Variants in SYDE2 observed in about 807,000 individuals in gnomAD.
The protein encoded by SYDE2 is rho GTPase-activating protein SYDE2.
A neutral mutation model predicts 91.5 loss-of-function variants in SYDE2; 76 were observed. The ratio of observed to expected loss-of-function variants is 0.83; its 90% CI spans 0.69 to 1.01. The LOEUF is 1.01. SYDE2 is among the 50% of genes least tolerant of loss of function. The pLI is 0.00. For synonymous variants in SYDE2, 513 were observed against 506.4 expected, an observed-to-expected ratio of 1.01 and a Z score of -0.18; for missense variants, 1,364 against 1,367.7, an observed-to-expected ratio of 1.00 and a Z score of 0.04.
chr1:85,170,656 GA>G (rs1261995411), intron 4 of SYDE2, among the ~76,000 whole-genome samples: 1 of 152,110 alleles, frequency 6.6e-6, no homozygotes, highest in Non-Finnish European at 1.5e-5. Context: ...AAAACCCAAA[GA>G]AATCAGAAAT....
At position 85,169,235 on chromosome 1, in the gene SYDE2, A is replaced by G; in HGVS notation, c.2672-10T>C. ...TAATCCTTAAGAACACCTTTAAAAA[A>G]CAAACCGCAGACAGTTGGTGATTGG... On this transcript the variant is annotated splice_polypyrimidine_tract_variant and intron_variant, in intron 4 of 6. Coordinates refer to ENST00000341460, the MANE Select transcript of SYDE2 (RefSeq NM_032184.2). 6.2e-7 allele frequency: 1 copy of G among 1,603,358 alleles called. No individual in the cohort carries two copies. The highest frequency in any genetic ancestry group is 8.5e-7 in the Non-Finnish European group (1 of 1,174,220).
At chr1:85,177,056 C>T (rs1657727513) in intron 4 of SYDE2, among the ~76,000 whole-genome samples, 1 of 152,092 alleles carries the variant, frequency 6.6e-6, no homozygotes, top group East Asian at 1.9e-4. Flanking sequence ...CACACCTTTG[C>T]TTAATCTCTG....
Position 85,200,514 on chromosome 1 carries a change from T to C in SYDE2, c.483A>G (p.Pro161=). The change falls in exon 1 of 7, where the codon CCA becomes CCG. Residue 161 remains proline (P), a synonymous_variant. Coordinates refer to ENST00000341460, the MANE Select transcript of SYDE2 (RefSeq NM_032184.2). ...CACTGCGTATCACAGAGGACCCCGC[T>C]GGATCCCTGAAAGGGCTTCCCGAGG... ...GCSSGSPFRD[P]AGSSVIRSGK... The C allele has an allele frequency of 1.2e-5, 20 of 1,613,564 alleles. No individual in the cohort carries two copies. The highest frequency in any genetic ancestry group is 1.7e-5 in the Non-Finnish European group (20 of 1,179,878).
Position 85,200,566 on chromosome 1 carries a change from G to C in SYDE2, c.431C>G (p.Pro144Arg). 1 of 1,603,238 alleles carries C rather than the reference G, an allele frequency of 6.2e-7. No individual in the cohort carries two copies. The highest frequency in any genetic ancestry group is 1.1e-5 in the South Asian group (1 of 90,622). The change falls in exon 1 of 7, where the codon CCT (proline) becomes CGT (arginine). Residue 144 changes from proline to arginine, a missense_variant. Transcript: ENST00000341460. ...ARAAAPTGLQPPGCKDHGCSS... is the reference protein window; with the variant it reads ...ARAAAPTGLQRPGCKDHGCSS... ...GCAGCCGTGGTCCTTGCAGCCTGGA[G>C]GCTGGAGGCCGGTGGGTGCAGCCGC...
chr1:85,199,076 TAAG>T (rs1260536787), intron 1 of SYDE2, among the ~76,000 whole-genome samples: 2 of 152,226 alleles, frequency 1.3e-5, no homozygotes, highest in Non-Finnish European at 2.9e-5. Flanking sequence ...CATTGTTTGA[TAAG>T]AAGTTTTGTG....
chr1:85,156,484 A>C (rs140922481), downstream of SYDE2, among the ~76,000 whole-genome samples: 960 of 152,272 alleles, frequency 6.3e-3, 12 homozygotes, highest in Middle Eastern at 0.034. Flanking sequence ...TATAAAAAGC[A>C]GGTATAAAAA....
At position 85,182,156 on chromosome 1, in the gene SYDE2, A is replaced by C; in HGVS notation, c.2486T>G (p.Leu829Arg). 2 of 1,604,806 alleles carry C rather than the reference A, an allele frequency of 1.2e-6. No individual in the cohort carries two copies. The highest frequency in any genetic ancestry group is 1.3e-5 in the African/African-American group (1 of 74,832). The change falls in exon 3 of 7, where the codon CTG becomes CGG. Residue 829 changes from leucine (L) to arginine (R), a missense_variant. Transcript: ENST00000341460. ...TTTCTGTATCAGAAGGGGCACCATC[A>C]GTCCTATATTTTCTTTCTCTACAAC... ...QKVVEKENIG[L>R]MVPLLIQKCI...
At chr1:85,181,075 G>A (rs1016479257) in intron 3 of SYDE2, 2 of 151,708 alleles carry the variant, frequency 1.3e-5, no homozygotes, top group African/African-American at 4.8e-5. Flanking sequence ...CCCACTGGGG[G>A]GCCTGAAGAG....
At chr1:85,176,721 A>G (rs1402314235) in intron 4 of SYDE2, among the ~76,000 whole-genome samples, 2 of 152,168 alleles carry the variant, frequency 1.3e-5, no homozygotes, top group Non-Finnish European at 2.9e-5. Flanking sequence ...TGAAGCATCT[A>G]TAAATGAAAG....
At chr1:85,166,981 C>T (rs115004323) in intron 5 of SYDE2, among the ~76,000 whole-genome samples, 47 of 152,082 alleles carry the variant, frequency 3.1e-4, no homozygotes, top group East Asian at 1.7e-3. Flanking sequence ...GAGGTCGAGG[C>T]GGGTAGATTG....
chr1:85,184,036 AAAATATTACC>A (rs1253197264), intron 2 of SYDE2, among the ~76,000 whole-genome samples: 4 of 152,328 alleles, frequency 2.6e-5, no homozygotes, highest in African/African-American at 9.6e-5. Context: ...CCCAAGAGTC[AAAATATTACC>A]AAATTCCACA....
intron 2 of SYDE2, among the ~76,000 whole-genome samples, chr1:85,184,261 T>C (rs1490154572): frequency 6.6e-6 from 1 of 152,188 alleles, no homozygotes; most frequent in Non-Finnish European, 1.5e-5. Context: ...CAATTGTTAG[T>C]TGCCTTGTAA....
intron 3 of SYDE2, chr1:85,181,733 C>T (rs776101497): frequency 1.3e-4 from 21 of 162,102 alleles, no homozygotes; most frequent in Non-Finnish European, 2.1e-4. Flanking sequence ...AATAACTCAA[C>T]GTAATTTTTA....
At chr1:85,159,300 A>T (rs1656979258) in intron 6 of SYDE2, 51 bp from the exon 7 acceptor site, 1 of 672,720 alleles carries the variant, frequency 1.5e-6, no homozygotes, top group Non-Finnish European at 2.7e-6. Flanking sequence ...AACTGAACTT[A>T]AAAAAAAAAC....
In SYDE2 at chr1:85,200,915, C is replaced by G. The variant is rs896247317; in HGVS notation, c.82G>C (p.Ala28Pro). ...ADHSFPAGARAPGQPPSRGAA... is the reference protein window; with the variant it reads ...ADHSFPAGARPPGQPPSRGAA... ...CCGCGGGAAGGCGGCTGGCCCGGAG[C>G]CCGGGCTCCCGCGGGGAAGCTGTGA... Residue 28 changes from alanine to proline, a missense_variant, in exon 1 of 7, where the codon GCT becomes CCT. By Grantham distance (27) the Ala-to-Pro change is conservative. Coordinates refer to ENST00000341460, the MANE Select transcript of SYDE2 (RefSeq NM_032184.2). 4.0e-5 allele frequency: 53 copies of G among 1,320,772 alleles called. No individual in the cohort carries two copies. The highest frequency in any genetic ancestry group is 2.8e-4 in the Middle Eastern group (1 of 3,534). 81.8% of individuals were successfully genotyped at this position (1,320,772 alleles called of 1,614,324 possible).
At chr1:85,191,120 A>T (rs1269665312) in intron 1 of SYDE2, among the ~76,000 whole-genome samples, 2 of 152,182 alleles carry the variant, frequency 1.3e-5, no homozygotes, top group African/African-American at 4.8e-5. Context: ...ATAAGTTTCA[A>T]TTCATTATTA....
chr1:85,198,603 T>C (rs1403975090), intron 1 of SYDE2, among the ~76,000 whole-genome samples: 1 of 152,236 alleles, frequency 6.6e-6, no homozygotes, highest in African/African-American at 2.4e-5. Flanking sequence ...TTTCATTTAA[T>C]TAGTTGCTTA....
intron 6 of SYDE2, among the ~76,000 whole-genome samples, chr1:85,161,607 TC>T (rs1030156595): frequency 3.3e-5 from 5 of 151,468 alleles, no homozygotes; most frequent in African/African-American, 1.2e-4. Flanking sequence ...ACGCCTGTAA[TC>T]CCAGCCACTC....
chr1:85,183,582 C>T (rs76875627), intron 2 of SYDE2, among the ~76,000 whole-genome samples: 74 of 152,108 alleles, frequency 4.9e-4, no homozygotes, highest in Admixed American at 9.2e-4. Context: ...CCCTCCACCC[C>T]ATGTGTCCTA....
Sources: gnomAD v4.1 joint callset for allele counts (sites outside exome capture counted in the v4.1 genomes callset) on GRCh38, gnomAD v4.1.1 for gene constraint, MANE v1.5 for transcripts, NCBI Gene and HGNC (gene_info 2026-07-23, HGNC 2026-07-21) for gene names.